The following DGAT1 variants were observed in gnomAD, a reference collection of about 807,000 sequenced individuals.
DGAT1 encodes the protein ACAT related gene product 1.
Under a neutral mutation model 72.6 loss-of-function variants are expected in DGAT1, and 60 were observed. The ratio of observed to expected loss-of-function variants is 0.83; its 90% CI spans 0.67 to 1.02. DGAT1 has a LOEUF of 1.02. Ranked by LOEUF, DGAT1 falls within the 50% of genes least tolerant of loss-of-function variation. The pLI is 0.00. For missense variants in DGAT1, 592 were observed against 670.0 expected, an observed-to-expected ratio of 0.88 and a Z score of 1.29; for synonymous variants, 290 against 267.5, an observed-to-expected ratio of 1.08 and a Z score of -0.82.
chr8:144,323,418 ACCCCTAC>A (rs1554848397), intron 1 of DGAT1, among the ~76,000 whole-genome samples: 10 of 151,414 alleles, frequency 6.6e-5, no homozygotes, highest in African/African-American at 2.4e-4. Context: ...CCACTGCGCT[ACCCCTAC>A]CCCTCACAGG....
chr8:144,320,607 C>A (rs1181520280), intron 2 of DGAT1, among the ~76,000 whole-genome samples: 1 of 152,158 alleles, frequency 6.6e-6, no homozygotes. Flanking sequence ...TTGTCCCCGA[C>A]CTGCCCTGCA....
In DGAT1 at chr8:144,315,096, C is replaced by T. The variant is rs1167894657; in HGVS notation, c.*1458G>A. The T allele has an allele frequency of 3.0e-6, 3 of 985,422 alleles. No individual in the cohort carries two copies. The highest frequency in any genetic ancestry group is 3.6e-6 in the Non-Finnish European group (3 of 829,986). The allele number at this position is 985,422 out of a possible 1,614,324, so 61.0% of individuals were successfully genotyped here. A position where few individuals can be genotyped will look rare whatever the true frequency, so the allele number is the denominator to read the frequency against. The stretch of plus-strand genomic sequence containing the variant: ...TCCCGTAGCTTTAGGGTTCTCCACT[C>T]AGCCTGGTGGAGGAAGGGAAGGGGG... On this transcript the variant is annotated 3_prime_UTR_variant, in exon 17 of 17. Coordinates refer to ENST00000528718, the MANE Select transcript of DGAT1 (RefSeq NM_012079.6).
chr8:144,322,551 G>C (rs781977289), intron 1 of DGAT1, among the ~76,000 whole-genome samples: 4 of 152,194 alleles, frequency 2.6e-5, no homozygotes, highest in Non-Finnish European at 4.4e-5. Context: ...CCCTGCCCAG[G>C]AGGCAAAGGG....
intron 9 of DGAT1, 37 bp downstream of exon 9, chr8:144,317,877 C>T (rs782275693): frequency 1.2e-4 from 193 of 1,567,382 alleles, no homozygotes; most frequent in Non-Finnish European, 1.5e-4. Flanking sequence ...AGAAGGCCCC[C>T]TAGCCTCCAG....
chr8:144,318,620 T>G, intron 5 of DGAT1, 54 bp from the exon 6 acceptor site: 1 of 1,604,916 alleles, frequency 6.2e-7, no homozygotes, highest in South Asian at 1.1e-5. Context: ...GGGAGAGGGC[T>G]GCCAGGCCTG....
chr8:144,317,616 A>G, intron 11 of DGAT1, 28 bp from the exon 12 acceptor site: 2 of 1,613,828 alleles, frequency 1.2e-6, no homozygotes. Context: ...TCAGCTAGCC[A>G]TGCTCCTGGT....
chr8:144,317,952 TGCGGGGAGA>T lies in DGAT1; in HGVS notation c.808_816del (p.Ser270_Arg272del). On this transcript the variant is annotated inframe_deletion, in exon 9 of 17. Transcript: ENST00000528718. ...CGTCGCAGCAGAAAGCGCTTCCGGA[TGCGGGGAGA>T]GCGGGGAAAGTTGAGCTCGTAGCAC... 1 of 1,518,910 alleles carries T rather than the reference TGCGGGGAGA, an allele frequency of 6.6e-7. No individual in the cohort carries two copies. Among genetic ancestry groups the T allele is most frequent in the South Asian group, 1.3e-5 (1 of 75,346 alleles). The allele number at this position is 1,518,910 out of a possible 1,614,324, so 94.1% of individuals were successfully genotyped here.
Position 144,317,354 on chromosome 8 carries a change from C to CG in DGAT1, c.1072dup (p.Arg358ProfsTer125), listed in dbSNP as rs1259820692. The CG allele has an allele frequency of 6.2e-7, 1 of 1,613,584 alleles. No individual in the cohort carries two copies. Among genetic ancestry groups the CG allele is most frequent in the African/African-American group, 1.3e-5 (1 of 74,848 alleles). ...TCACCACCAGTCCCGGTAGAACTCC[C>CG]GGTCTCCAAACTGCATGAGCTCAGC... is the stretch of plus-strand genomic sequence containing the variant. On this transcript the variant is annotated frameshift_variant, in exon 13 of 17. Coordinates refer to ENST00000528718, the MANE Select transcript of DGAT1 (RefSeq NM_012079.6). LOFTEE classifies it high-confidence loss of function.
Position 144,317,044 on chromosome 8 carries a change from A to G in DGAT1, c.1226T>C (p.Leu409Pro), listed in dbSNP as rs1180732436. 2 of 1,612,414 alleles carry G rather than the reference A, an allele frequency of 1.2e-6. No homozygotes were observed. Among genetic ancestry groups the G allele is most frequent in the Non-Finnish European group, 1.7e-6 (2 of 1,179,824 alleles). ...SKWMARTGVF[L>P]ASAFFHEYLV... ...GACCTCGTGGAAGAAGGCCGAGGCC[A>G]GGAACACCCCTGTCCTGGCCATCCA... Residue 409 changes from leucine to proline, a missense_variant, in exon 15 of 17, where the codon CTG (leucine) becomes CCG (proline). Coordinates refer to ENST00000528718, the MANE Select transcript of DGAT1 (RefSeq NM_012079.6).
Position 144,316,396 on chromosome 8 carries a change from T to C in DGAT1, c.*158A>G. 1 of 926,728 alleles carries C rather than the reference T, an allele frequency of 1.1e-6. No individual in the cohort carries two copies. Among genetic ancestry groups the C allele is most frequent in the East Asian group, 2.7e-5 (1 of 37,612 alleles). 57.4% of individuals were successfully genotyped at this position (926,728 alleles called of 1,614,324 possible). A position where few individuals can be genotyped will look rare whatever the true frequency, so the allele number is the denominator to read the frequency against. On this transcript the variant is annotated 3_prime_UTR_variant, in exon 17 of 17. Coordinates refer to ENST00000528718, the MANE Select transcript of DGAT1 (RefSeq NM_012079.6). Reference sequence around the variant, plus strand: ...GCCTGCTGTCGCCATCCCTGAGGGGTGCAGGACAGAGCCCCATAGGGGCAG... The same window carrying C: ...GCCTGCTGTCGCCATCCCTGAGGGGCGCAGGACAGAGCCCCATAGGGGCAG...
In DGAT1 at chr8:144,316,931, G is replaced by C. The variant is rs1817250649; in HGVS notation, c.1249-16C>G. The C allele has an allele frequency of 1.3e-5, 21 of 1,612,466 alleles. No individual in the cohort carries two copies. Among genetic ancestry groups the C allele is most frequent in the Non-Finnish European group, 1.7e-5 (20 of 1,179,808 alleles). ...TCACCAGGTACTGAGATGGGAGGGA[G>C]AGAGGATGCCAGGGAGTGGGGTGTC... On this transcript the variant is annotated splice_polypyrimidine_tract_variant and intron_variant, in intron 15 of 16. Coordinates refer to ENST00000528718, the MANE Select transcript of DGAT1 (RefSeq NM_012079.6).
chr8:144,316,550 C>G lies in DGAT1; in HGVS notation c.*4G>C. ...CAGTGAGAAGCCAGGCCCTCAGGTG[C>G]AGCTCAGGCCTCTGCCGCTGGGGCC... On this transcript the variant is annotated 3_prime_UTR_variant, in exon 17 of 17. Transcript: ENST00000528718. 1 of 1,584,026 alleles carries G rather than the reference C, an allele frequency of 6.3e-7. No individual in the cohort carries two copies. Among genetic ancestry groups the G allele is most frequent in the Non-Finnish European group, 8.6e-7 (1 of 1,164,602 alleles).
rs1817145282 is a variant in DGAT1, at chr8:144,315,018, CTG to C, written c.*1534_*1535del. On this transcript the variant is annotated 3_prime_UTR_variant, in exon 17 of 17. Transcript: ENST00000528718. ...GGACAGGTGATGCGGGGCGGGCACACTGTCTTTCTGCCAGAGCCAGCACCCTG... is the reference window on the plus strand; with the variant it reads ...GGACAGGTGATGCGGGGCGGGCACACTCTTTCTGCCAGAGCCAGCACCCTG... 2 of 985,312 alleles carry C rather than the reference CTG, an allele frequency of 2.0e-6. No homozygotes were observed. The highest frequency in any genetic ancestry group is 2.4e-6 in the Non-Finnish European group (2 of 829,964). The allele number at this position is 985,312 out of a possible 1,614,324, so 61.0% of individuals were successfully genotyped here. A position where few individuals can be genotyped will look rare whatever the true frequency, so the allele number is the denominator to read the frequency against.
rs1817176310 is a variant in DGAT1 at position 144,315,617 on chromosome 8, G to A, written c.*937C>T. 1.0e-6 allele frequency: 1 copy of A among 985,404 alleles called. No homozygotes were observed. The highest frequency in any genetic ancestry group is 1.2e-6 in the Non-Finnish European group (1 of 829,856). The allele number at this position is 985,404 out of a possible 1,614,324, so 61.0% of individuals were successfully genotyped here. A position where few individuals can be genotyped will look rare whatever the true frequency, so the allele number is the denominator to read the frequency against. On this transcript the variant is annotated 3_prime_UTR_variant, in exon 17 of 17. Coordinates refer to ENST00000528718, the MANE Select transcript of DGAT1 (RefSeq NM_012079.6). ...CATCAAGGGGGGCCCCATCTATCCA[G>A]CTTGGTGGATTGCAGGGCCTGGGAA...
intron 1 of DGAT1, among the ~76,000 whole-genome samples, chr8:144,324,163 C>T (rs1554848508): frequency 6.6e-6 from 1 of 152,240 alleles, no homozygotes; most frequent in Non-Finnish European, 1.5e-5. Flanking sequence ...CTCACAGCCT[C>T]ACCTTGCCAC....
rs1554848813 is a variant in DGAT1 at position 144,326,571 on chromosome 8, G to A, written c.66C>T (p.Gly22=). 1.6e-6 allele frequency: 2 copies of A among 1,248,480 alleles called. No individual in the cohort carries two copies. The highest frequency in any genetic ancestry group is 4.2e-5 in the Admixed American group (1 of 23,796). 77.3% of individuals were successfully genotyped at this position (1,248,480 alleles called of 1,614,324 possible). A position where few individuals can be genotyped will look rare whatever the true frequency, so the allele number is the denominator to read the frequency against. Residue 22 remains glycine, a synonymous_variant, in exon 1 of 17, where the codon GGC becomes GGT. Transcript: ENST00000528718. ...CCTCCTCTTCCGCCGCCGCAGGCCC[G>A]CCGCCGCCGTGGCTCGAGGGCCGCG... ...TGSRPSSHGG[G]GPAAAEEEVR... is the part of the protein sequence containing the mutation.
At chr8:144,323,835 C>T (rs1490170013) in intron 1 of DGAT1, among the ~76,000 whole-genome samples, 1 of 152,248 alleles carries the variant, frequency 6.6e-6, no homozygotes, top group African/African-American at 2.4e-5. Context: ...GGGGCCCACA[C>T]AGTGCAGCTC....
At position 144,317,014 on chromosome 8, in the gene DGAT1, G is replaced by A. The variant is rs782738491; in HGVS notation, c.1248+8C>T. 6 of 1,612,248 alleles carry A rather than the reference G, an allele frequency of 3.7e-6. No homozygotes were observed. Among genetic ancestry groups the A allele is most frequent in the Non-Finnish European group, 5.1e-6 (6 of 1,179,644 alleles). On this transcript the variant is annotated splice_region_variant and intron_variant, in intron 15 of 16. Coordinates refer to ENST00000528718, the MANE Select transcript of DGAT1 (RefSeq NM_012079.6). Reference sequence around the variant, plus strand: ...GGGATGAGGCAAGATGCCCCCCAGAGCACTGACCTCGTGGAAGAAGGCCGA... The same window carrying A: ...GGGATGAGGCAAGATGCCCCCCAGAACACTGACCTCGTGGAAGAAGGCCGA...
At chr8:144,318,058 C>G in intron 8 of DGAT1, 37 bp downstream of exon 8, 1 of 1,520,236 alleles carries the variant, frequency 6.6e-7, no homozygotes, top group South Asian at 1.3e-5. Flanking sequence ...ACAGGCCCAG[C>G]CTGTCCCCCG....
Sources: gnomAD v4.1 joint callset for allele counts (sites outside exome capture counted in the v4.1 genomes callset) on GRCh38, gnomAD v4.1.1 for gene constraint, MANE v1.5 for transcripts, NCBI Gene and HGNC (gene_info 2026-07-23, HGNC 2026-07-21) for gene names.